Variants in HECTD4 observed in about 807,000 individuals in gnomAD.
HECTD4 encodes the protein HECT domain E3 ubiquitin protein ligase 4.
A neutral mutation model predicts 471.5 loss-of-function variants in HECTD4; 114 were observed. That is an observed-to-expected ratio of 0.24 (90% CI 0.21 to 0.28). The LOEUF is 0.28. Ranked by LOEUF, HECTD4 falls within the 10% of genes least tolerant of loss-of-function variation. The pLI, the probability that HECTD4 is intolerant of heterozygous loss-of-function variation, is 1.00. For synonymous variants in HECTD4, 2,012 were observed against 2,256.0 expected (o/e 0.89, Z 3.07); for missense variants, 3,866 against 5,651.5 (o/e 0.68, Z 10.13).
rs937767900 is a variant in HECTD4 at position 112,161,226 on chromosome 12, C to T, written c.*1161G>A. 1.3e-5 allele frequency: 2 copies of T among 151,274 alleles called. No homozygotes were observed. Among genetic ancestry groups the T allele is most frequent in the African/African-American group, 4.9e-5 (2 of 40,860 alleles). The allele number at this position is 151,274 out of a possible 1,614,324, so 9.4% of individuals were successfully genotyped here. A position where few individuals can be genotyped will look rare whatever the true frequency, so the allele number is the denominator to read the frequency against. On this transcript the variant is annotated 3_prime_UTR_variant, in exon 76 of 76. Transcript: ENST00000682272. ...GCCTGTGCTGCTCATGAACAAAGTA[C>T]CACTGGACAAAGACCTATTTGGGGC... is the stretch of plus-strand genomic sequence containing the variant.
rs1377605680 is a variant in HECTD4 at position 112,179,035 on chromosome 12, C to T, written c.11259G>A (p.Lys3753=). The T allele has an allele frequency of 6.2e-7, 1 of 1,613,952 alleles. No individual in the cohort carries two copies. The highest frequency in any genetic ancestry group is 1.7e-5 in the Admixed American group (1 of 60,002). Reference sequence around the variant, plus strand: ...GCTGCTCCTTCCCGGCCTTGCTGTACTTGCTCTTGTCAAACTTGGGCTTTG... The same window carrying T: ...GCTGCTCCTTCCCGGCCTTGCTGTATTTGCTCTTGTCAAACTTGGGCTTTG... ...GVPKPKFDKS[K]YSKAGKEQHP... Residue 3753 remains lysine, a synonymous_variant, in exon 64 of 76, where the codon AAG becomes AAA. Transcript: ENST00000682272. This position sits in a 1 kb window ranked among gnomAD's most constrained non-coding sequence, Gnocchi z 4.3.
intron 9 of HECTD4, among the ~76,000 whole-genome samples, chr12:112,278,294 T>G (rs2034567116): frequency 6.6e-6 from 1 of 152,130 alleles, no homozygotes. Flanking sequence ...GTGAACATAT[T>G]AAAAACCACT....
chr12:112,209,402 C>T (rs2032694897), intron 50 of HECTD4, among the ~76,000 whole-genome samples: 1 of 151,520 alleles, frequency 6.6e-6, no homozygotes, highest in African/African-American at 2.4e-5. Context: ...TCTCAACTCA[C>T]TGCAACCTCC....
intron 34 of HECTD4, among the ~76,000 whole-genome samples, chr12:112,238,752 AT>A (rs1435790381): frequency 3.3e-5 from 5 of 152,128 alleles, no homozygotes; most frequent in Non-Finnish European, 4.4e-5. Context: ...AATTAAAAAA[AT>A]ATATTTGGAA....
chr12:112,179,430 C>T lies in HECTD4; in HGVS notation c.10988-33G>A. ...ATGGAGAGGGGGCAAAACAATTCTG[C>T]CGTGAACATGCATCGGGACAAGCCC... On this transcript the variant is annotated intron_variant, in intron 62 of 75. Transcript: ENST00000682272. This position sits in a 1 kb window ranked among gnomAD's most constrained non-coding sequence, Gnocchi z 4.3. The T allele has an allele frequency of 1.3e-6, 2 of 1,556,552 alleles. No individual in the cohort carries two copies. The highest frequency in any genetic ancestry group is 2.3e-5 in the East Asian group (1 of 43,826).
chr12:112,282,251 C>T (rs1164019669), intron 8 of HECTD4, among the ~76,000 whole-genome samples: 18 of 152,110 alleles, frequency 1.2e-4, no homozygotes, highest in Non-Finnish European at 1.3e-4. Context: ...GGCGTGGTAG[C>T]GGGCGCCTGT....
chr12:112,354,258 G>C (rs947198622), intron 1 of HECTD4, among the ~76,000 whole-genome samples: 1 of 151,820 alleles, frequency 6.6e-6, no homozygotes, highest in Non-Finnish European at 1.5e-5. Context: ...GCAGGATCTC[G>C]CCATGTTGCC....
chr12:112,219,543 G>T, intron 44 of HECTD4, 54 bp from the exon 45 acceptor site: 1 of 1,250,250 alleles, frequency 8.0e-7, no homozygotes, highest in Non-Finnish European at 1.2e-6. Context: ...CTCCCAAGTG[G>T]GTGCTGACTC....
intron 18 of HECTD4, among the ~76,000 whole-genome samples, chr12:112,260,580 T>C (rs781163117): frequency 3.4e-4 from 46 of 134,734 alleles, no homozygotes; most frequent in Middle Eastern, 4.1e-3. Flanking sequence ...CAGAGCAGAA[T>C]TTTTTTTTTT....
chr12:112,257,661 C>G (rs1033962031), intron 20 of HECTD4, among the ~76,000 whole-genome samples: 10 of 152,122 alleles, frequency 6.6e-5, no homozygotes, highest in Non-Finnish European at 1.3e-4. Flanking sequence ...TTGTATATAA[C>G]AAAAGTTCAT....
chr12:112,230,756 G>C lies in HECTD4; in HGVS notation c.6267C>G (p.Ala2089=). 1.2e-6 allele frequency: 2 copies of C among 1,611,206 alleles called. No homozygotes were observed. The highest frequency in any genetic ancestry group is 1.7e-6 in the Non-Finnish European group (2 of 1,178,732). The change falls in exon 40 of 76, where the codon GCC becomes GCG. Residue 2089 remains alanine, a synonymous_variant. Transcript: ENST00000682272. ...GTGCCATGAGCAAGCTATGTAGCAA[G>C]GCGATCACTTCTGCAGCCATGCTGT... ...VANSMAAEVI[A]LLHSLLMAPE...
At chr12:112,326,196 T>G (rs1007241169) in intron 1 of HECTD4, among the ~76,000 whole-genome samples, 1 of 152,156 alleles carries the variant, frequency 6.6e-6, no homozygotes, top group African/African-American at 2.4e-5. Context: ...GACTACAATA[T>G]CTGATAGAAG....
At chr12:112,303,072 T>C (rs988509632) in intron 7 of HECTD4, among the ~76,000 whole-genome samples, 68 of 150,798 alleles carry the variant, frequency 4.5e-4, no homozygotes, top group African/African-American at 1.4e-3. Context: ...CACTTGTGGG[T>C]GATTCACCAG....
chr12:112,274,342 A>G (rs532904515), intron 10 of HECTD4, among the ~76,000 whole-genome samples: 11 of 152,358 alleles, frequency 7.2e-5, no homozygotes, highest in Non-Finnish European at 1.5e-4. Flanking sequence ...CTTCAATTGC[A>G]GTTTATTCAG....
chr12:112,363,283 CTT>C lies in HECTD4; in HGVS notation c.177+18667_177+18668del, dbSNP rs148708460. ...GCATACACACACTCTCTCTCTCTCTCTTATATATAAAGATGAGGTCTTGTTGT... is the reference window on the plus strand; with the variant it reads ...GCATACACACACTCTCTCTCTCTCTCATATATAAAGATGAGGTCTTGTTGT... On this transcript the variant is annotated intron_variant, in intron 1 of 75. Transcript: ENST00000682272. Among the ~76,000 whole-genome samples, 1,462 of 151,786 alleles carry C rather than the reference CTT, an allele frequency of 9.6e-3. 24 individuals are homozygous for C. Among genetic ancestry groups the C allele is most frequent in the African/African-American group, 0.034 (1,390 of 41,422 alleles).
intron 60 of HECTD4, 48 bp from the exon 61 acceptor site, chr12:112,185,541 A>G (rs2031830502): frequency 5.0e-6 from 7 of 1,410,004 alleles, no homozygotes; most frequent in South Asian, 1.4e-5. Context: ...AGCACTGGCT[A>G]TGTTCCAGGC....
At chr12:112,339,846 C>T (rs1251780032) in intron 1 of HECTD4, among the ~76,000 whole-genome samples, 3 of 151,998 alleles carry the variant, frequency 2.0e-5, no homozygotes, top group Non-Finnish European at 4.4e-5. Context: ...GTCAGGAGTT[C>T]GAGACCAGCC....
At chr12:112,175,643 A>T in intron 66 of HECTD4, 93 bp downstream of exon 66, 2 of 1,406,544 alleles carry the variant, frequency 1.4e-6, no homozygotes, top group Non-Finnish European at 2.0e-6. Flanking sequence ...CATTATCAAC[A>T]GGGGAGACGG....
intron 61 of HECTD4, among the ~76,000 whole-genome samples, chr12:112,183,826 C>A (rs1046561228): frequency 1.3e-5 from 2 of 152,212 alleles, no homozygotes; most frequent in African/African-American, 4.8e-5. Context: ...TGGCAGGAGT[C>A]TATTCTCATG....
Sources: gnomAD v4.1 joint callset for allele counts (sites outside exome capture counted in the v4.1 genomes callset) on GRCh38, gnomAD v4.1.1 for gene constraint, Gnocchi (gnomAD v3.1) non-coding constraint, MANE v1.5 for transcripts, NCBI Gene and HGNC (gene_info 2026-07-23, HGNC 2026-07-21) for gene names.